The following NWD2 variants were observed in gnomAD, a reference collection of about 807,000 sequenced individuals.
NWD2 encodes NACHT and WD repeat domain-containing protein 2.
A neutral mutation model predicts 132.7 loss-of-function variants in NWD2; 37 were observed. That is an observed-to-expected ratio of 0.28 (90% CI 0.21 to 0.37). The LOEUF is 0.37. Among genes scored for constraint, NWD2 ranks in the 10% least tolerant of loss-of-function variants. The pLI is 1.00. For synonymous variants in NWD2, 705 were observed against 803.0 expected (o/e 0.88, Z 2.06); for missense variants, 1,592 against 2,122.4 (o/e 0.75, Z 4.91).
intron 3 of NWD2, among the ~76,000 whole-genome samples, chr4:37,357,527 G>A (rs1169794594): frequency 1.3e-5 from 2 of 152,146 alleles, no homozygotes; most frequent in Non-Finnish European, 2.9e-5. Context: ...AACTGCCTGA[G>A]TGCTACCGTG....
chr4:37,262,324 A>G (rs1486293356), intron 1 of NWD2, among the ~76,000 whole-genome samples: 1 of 152,210 alleles, frequency 6.6e-6, no homozygotes, highest in African/African-American at 2.4e-5. Context: ...AGAAGATTCC[A>G]TGGTGGCTGT....
intron 2 of NWD2, among the ~76,000 whole-genome samples, chr4:37,355,491 A>G (rs1719853304): frequency 6.6e-6 from 1 of 152,194 alleles, no homozygotes; most frequent in Non-Finnish European, 1.5e-5. Context: ...GTGAGCTTCC[A>G]TCTCACCAAA....
chr4:37,282,607 T>C (rs1041961581), intron 1 of NWD2, among the ~76,000 whole-genome samples: 5 of 152,172 alleles, frequency 3.3e-5, no homozygotes, highest in African/African-American at 1.2e-4. Flanking sequence ...TATTCAGTAT[T>C]TATTTGATGG....
intron 3 of NWD2, among the ~76,000 whole-genome samples, chr4:37,373,778 A>G (rs1331379350): frequency 2.6e-5 from 4 of 152,232 alleles, no homozygotes; most frequent in African/African-American, 9.6e-5. Context: ...CAAAAGGGCA[A>G]GCCAGACGTC....
intron 2 of NWD2, 22 bp downstream of exon 2, chr4:37,326,046 T>C (rs1489373189): frequency 7.2e-7 from 1 of 1,387,526 alleles, no homozygotes; most frequent in Admixed American, 2.0e-5. Context: ...GTTAATTTCA[T>C]TCACAGTTAT....
At chr4:37,408,534 A>T (rs1721091154) in intron 3 of NWD2, among the ~76,000 whole-genome samples, 1 of 152,186 alleles carries the variant, frequency 6.6e-6, no homozygotes, top group South Asian at 2.1e-4. Context: ...CCAGTCAGGG[A>T]CTTGCAGATA....
At chr4:37,398,554 C>G (rs957935045) in intron 3 of NWD2, among the ~76,000 whole-genome samples, 1 of 152,094 alleles carries the variant, frequency 6.6e-6, no homozygotes, top group Non-Finnish European at 1.5e-5. Context: ...ACCATGTCAC[C>G]CAACCAATAT....
intron 1 of NWD2, among the ~76,000 whole-genome samples, chr4:37,258,152 A>C (rs949799576): frequency 1.3e-5 from 2 of 152,268 alleles, no homozygotes; most frequent in African/African-American, 4.8e-5. Context: ...TGTGGTTCCC[A>C]CATCTATGTG....
At chr4:37,250,157 T>C (rs929325302) in intron 1 of NWD2, among the ~76,000 whole-genome samples, 6 of 113,130 alleles carry the variant, frequency 5.3e-5, no homozygotes, top group Non-Finnish European at 1.8e-5. Context: ...TATGTGTGTG[T>C]ATACACACAC....
intron 2 of NWD2, among the ~76,000 whole-genome samples, chr4:37,337,291 A>G (rs1719428970): frequency 6.6e-6 from 1 of 152,226 alleles, no homozygotes; most frequent in African/African-American, 2.4e-5. Flanking sequence ...TACATTTTGT[A>G]AAGTGTAGCT....
intron 1 of NWD2, among the ~76,000 whole-genome samples, chr4:37,286,425 T>C (rs531220481): frequency 1.3e-5 from 2 of 152,372 alleles, no homozygotes; most frequent in South Asian, 4.1e-4. Flanking sequence ...AACAGGACCC[T>C]TGGAACCCTG....
intron 3 of NWD2, among the ~76,000 whole-genome samples, chr4:37,388,411 T>C (rs1454058259): frequency 6.6e-6 from 1 of 152,074 alleles, no homozygotes; most frequent in East Asian, 1.9e-4. Flanking sequence ...CTCAAACTCC[T>C]GACCTCAGAT....
chr4:37,359,175 C>T (rs895690554), intron 3 of NWD2, among the ~76,000 whole-genome samples: 1 of 152,092 alleles, frequency 6.6e-6, no homozygotes, highest in Non-Finnish European at 1.5e-5. Flanking sequence ...AAAGACTTTG[C>T]AAGTTTATGC....
chr4:37,413,372 G>A (rs1721201410), intron 3 of NWD2, among the ~76,000 whole-genome samples: 1 of 152,202 alleles, frequency 6.6e-6, no homozygotes, highest in African/African-American at 2.4e-5. Context: ...ATGAAAAAAT[G>A]CTCATCATCA....
intron 2 of NWD2, among the ~76,000 whole-genome samples, chr4:37,327,104 A>G (rs187889799): frequency 2.8e-4 from 42 of 152,266 alleles, no homozygotes; most frequent in East Asian, 1.9e-4. Flanking sequence ...TTTACTGATA[A>G]TAGGGTCCCA....
chr4:37,296,100 T>C (rs998195491), intron 1 of NWD2, among the ~76,000 whole-genome samples: 11 of 152,186 alleles, frequency 7.2e-5, no homozygotes, highest in Non-Finnish European at 5.9e-5. Context: ...ACAGGTGCCC[T>C]TTCCTAAGTC....
In NWD2 at chr4:37,448,420, C is replaced by A. The variant is rs1712700656; in HGVS notation, c.*1203C>A. The A allele has an allele frequency of 6.6e-6, 1 of 152,136 alleles. No individual in the cohort carries two copies. The highest frequency in any genetic ancestry group is 2.4e-5 in the African/African-American group (1 of 41,420). 9.4% of individuals were successfully genotyped at this position (152,136 alleles called of 1,614,324 possible). A position where few individuals can be genotyped will look rare whatever the true frequency, so the allele number is the denominator to read the frequency against. ...CTTCCTGATTGAGGACTCTTCTGAGCCTTTTATAGTCCTATCCATTTCAAA... is the reference window on the plus strand; with the variant it reads ...CTTCCTGATTGAGGACTCTTCTGAGACTTTTATAGTCCTATCCATTTCAAA... On this transcript the variant is annotated 3_prime_UTR_variant, in exon 7 of 7. Coordinates refer to ENST00000309447, the MANE Select transcript of NWD2 (RefSeq NM_001144990.2).
chr4:37,423,317 T>C (rs947088488), intron 3 of NWD2, among the ~76,000 whole-genome samples: 1 of 152,178 alleles, frequency 6.6e-6, no homozygotes, highest in African/African-American at 2.4e-5. Context: ...TGCAATTTAT[T>C]ATCATTTTCC....
intron 1 of NWD2, among the ~76,000 whole-genome samples, chr4:37,260,021 C>T (rs1717596725): frequency 6.6e-6 from 1 of 152,162 alleles, no homozygotes; most frequent in Non-Finnish European, 1.5e-5. Context: ...GGAACCTTGC[C>T]ACTCTCTATA....
Sources: allele counts gnomAD v4.1 joint callset (sites outside exome capture counted in the v4.1 genomes callset), GRCh38; gene constraint gnomAD v4.1.1; transcripts MANE v1.5; gene names NCBI Gene and HGNC (gene_info 2026-07-23, HGNC 2026-07-21).